Variants in METTL27 observed in about 807,000 individuals in gnomAD.
METTL27 encodes methyltransferase-like protein 27.
Under a neutral mutation model 24.5 loss-of-function variants are expected in METTL27, and 29 were observed. The ratio of observed to expected loss-of-function variants is 1.18; its 90% CI spans 0.88 to 1.61. The LOEUF (loss-of-function observed/expected upper bound fraction) is 1.61. METTL27 is among the 40% of genes most tolerant of loss of function. The pLI is 0.00. For synonymous variants in METTL27, 138 were observed against 146.8 expected, an observed-to-expected ratio of 0.94 and a Z score of 0.43; for missense variants, 341 against 324.3, an observed-to-expected ratio of 1.05 and a Z score of -0.40.
chr7:73,840,069 G>A lies in METTL27; in HGVS notation c.440C>T (p.Pro147Leu), dbSNP rs202060540. The change falls in exon 5 of 6, where the codon CCC becomes CTC. Residue 147 changes from proline to leucine, a missense_variant. Pro to Leu is a moderately conservative substitution (Grantham distance 98). Transcript: ENST00000297873. ...IVGALSDGQVPCNAIPELHVT... is the reference protein window; with the variant it reads ...IVGALSDGQVLCNAIPELHVT... ...ATGTAGCTCAGGTATCGCATTGCAG[G>A]GCACCTGGCCGTCACTGAGGGCACC... 6.2e-7 allele frequency: 1 copy of A among 1,612,212 alleles called. No homozygotes were observed. Among genetic ancestry groups the A allele is most frequent in the East Asian group, 2.2e-5 (1 of 44,782 alleles).
rs557360263 is a variant in METTL27, at chr7:73,839,116, C to T, written c.478+915G>A. Among the ~76,000 whole-genome samples the T allele has an allele frequency of 2.0e-5, 3 of 152,300 alleles. No homozygotes were observed. In the South Asian group the frequency reaches 6.2e-4, roughly 32 times the overall value. On this transcript the variant is annotated intron_variant, in intron 5 of 5. Transcript: ENST00000297873. ...TGGCCAACATGATGAAACCCCATCTCTATTAAAAATACAAAAATTAGCTGG... is the reference window on the plus strand; with the variant it reads ...TGGCCAACATGATGAAACCCCATCTTTATTAAAAATACAAAAATTAGCTGG...
chr7:73,835,862 G>A (rs1327117461), intron 5 of METTL27, among the ~76,000 whole-genome samples: 17 of 138,446 alleles, frequency 1.2e-4, no homozygotes, highest in African/African-American at 4.2e-4. Context: ...CCTCTGCCCC[G>A]CCGCCCCGTC....
Position 73,834,961 on chromosome 7 carries a change from GGTTGGACGA to G in METTL27, c.511_519del (p.Ser171_Asn173del), listed in dbSNP as rs1554634779. The G allele has an allele frequency of 1.9e-6, 3 of 1,613,526 alleles. No individual in the cohort carries two copies. Among genetic ancestry groups the G allele is most frequent in the Non-Finnish European group, 2.5e-6 (3 of 1,179,924 alleles). On this transcript the variant is annotated inframe_deletion, in exon 6 of 6. Transcript: ENST00000297873. ...GCCTCCAGAGCCTCCTTGTATTGAA[GGTTGGACGA>G]GTTGGTCCTGGTGGTCAGACACACC...
chr7:73,838,900 G>C (rs530802773), intron 5 of METTL27, among the ~76,000 whole-genome samples: 1 of 152,118 alleles, frequency 6.6e-6, no homozygotes, highest in Non-Finnish European at 1.5e-5. Flanking sequence ...GCGCCTCCTC[G>C]TTCTCATGCT....
In METTL27 at chr7:73,834,874, G is replaced by T. The variant is rs779071025; in HGVS notation, c.607C>A (p.Arg203Ser). The T allele has an allele frequency of 6.2e-7, 1 of 1,613,234 alleles. No individual in the cohort carries two copies. The change falls in exon 6 of 6, where the codon CGC (arginine) becomes AGC (serine). Residue 203 changes from arginine to serine, a missense_variant. Arg to Ser is a moderately radical substitution (Grantham distance 110). Transcript: ENST00000297873. ...WEGLVAWPVD[R>S]LWTAGSWLPP... is the part of the protein sequence containing the mutation. ...AGCCAGCTCCCAGCGGTCCACAGGC[G>T]GTCCACAGGCCAGGCCACCAGGCCT...
intron 4 of METTL27, 23 bp from the exon 5 acceptor site, chr7:73,840,143 G>A (rs782506733): frequency 2.8e-6 from 4 of 1,413,594 alleles, no homozygotes; most frequent in Non-Finnish European, 3.9e-6. Context: ...GGGGGGGGGT[G>A]GGGACATGGT....
intron 5 of METTL27, among the ~76,000 whole-genome samples, chr7:73,837,610 C>A (rs968236031): frequency 6.6e-6 from 1 of 151,994 alleles, no homozygotes; most frequent in Non-Finnish European, 1.5e-5. Context: ...GTCACCCAGG[C>A]TGGAGTGCAA....
rs548582221 is a variant in METTL27, at chr7:73,838,225, G to C, written c.478+1806C>G. Among the ~76,000 whole-genome samples the C allele has an allele frequency of 3.3e-5, 5 of 152,290 alleles. No individual in the cohort carries two copies. The South Asian group carries it at 1.0e-3, about 32-fold the overall frequency. On this transcript the variant is annotated intron_variant, in intron 5 of 5. Transcript: ENST00000297873. ...CCACTCACCACTCACCCACGCCTCT[G>C]CTGGAGGATGTGACTGTGTCTGAAT...
chr7:73,835,998 G>A (rs1788172603), intron 5 of METTL27, among the ~76,000 whole-genome samples: 1 of 108,494 alleles, frequency 9.2e-6, no homozygotes, highest in Non-Finnish European at 2.1e-5. Context: ...TCTGGGAAGT[G>A]AGGAGCCCCT....
At chr7:73,837,070 G>A (rs1788228691) in intron 5 of METTL27, among the ~76,000 whole-genome samples, 1 of 147,404 alleles carries the variant, frequency 6.8e-6, no homozygotes, top group Non-Finnish European at 1.5e-5. Context: ...TTGTTAAACA[G>A]ATGCTTGAAG....
In METTL27 at chr7:73,840,476, G is replaced by T; in HGVS notation, c.326C>A (p.Pro109His). The T allele has an allele frequency of 1.2e-6, 2 of 1,609,456 alleles. No homozygotes were observed. Among genetic ancestry groups the T allele is most frequent in the East Asian group, 2.2e-5 (1 of 44,668 alleles). The change falls in exon 4 of 6, where the codon CCC (proline) becomes CAC (histidine). Residue 109 changes from proline (P) to histidine (H), a missense_variant. Pro to His is a moderately conservative substitution (Grantham distance 77). Transcript: ENST00000297873. ...GAGGCTGAGGCGCTGATAGAGGCCG[G>T]GGGCCTGGGCCTGTTCCAGCATCCC... ...SPGMLEQAQA[P>H]GLYQRLSLCT...
rs73140869 is a variant in METTL27, at chr7:73,840,134, G to C, written c.389-14C>G. On this transcript the variant is annotated splice_polypyrimidine_tract_variant and intron_variant, in intron 4 of 5. Transcript: ENST00000297873. ...CGTCGAAGGTCCCTGTGTGTGTGTG[G>C]GGGGGGGTGGGGACATGGTGTGATG... is the stretch of plus-strand genomic sequence containing the variant. The C allele has an allele frequency of 4.1e-6, 6 of 1,480,618 alleles. No homozygotes were observed. The highest frequency in any genetic ancestry group is 5.6e-6 in the Non-Finnish European group (6 of 1,080,950). 91.7% of individuals were successfully genotyped at this position (1,480,618 alleles called of 1,614,324 possible).
In METTL27 at chr7:73,840,421, G is replaced by T; in HGVS notation, c.381C>A (p.Ser127Arg). The T allele has an allele frequency of 1.3e-6, 2 of 1,579,438 alleles. No individual in the cohort carries two copies. Among genetic ancestry groups the T allele is most frequent in the Non-Finnish European group, 1.7e-6 (2 of 1,163,120 alleles). Residue 127 changes from serine to arginine, a missense_variant, in exon 4 of 6, where the codon AGC becomes AGA. Physicochemically the swap from Ser to Arg is moderately radical, Grantham distance 110. Coordinates refer to ENST00000297873, the MANE Select transcript of METTL27 (RefSeq NM_152559.3). ...LCTLGQEPLP[S>R]PEGTFDAVLI... is the part of the protein sequence containing the mutation. ...AGGTGGGAGAGAAAGTACCTTCCGG[G>T]CTGGGCAGAGGCTCCTGGCCCAGGG...
At chr7:73,840,248 C>A in intron 4 of METTL27, 128 bp from the exon 5 acceptor site, 1 of 1,454,168 alleles carries the variant, frequency 6.9e-7, no homozygotes, top group South Asian at 1.4e-5. Context: ...CCCAGGTCCC[C>A]TAGAGGATAA....
intron 5 of METTL27, among the ~76,000 whole-genome samples, chr7:73,835,333 C>A (rs1788137627): frequency 7.0e-6 from 1 of 143,678 alleles, no homozygotes; most frequent in South Asian, 2.2e-4. Flanking sequence ...GCCTGACTCT[C>A]CTGACTCAGC....
At chr7:73,839,910 C>T (rs1253808965) in intron 5 of METTL27, 121 bp downstream of exon 5, 16 of 881,800 alleles carry the variant, frequency 1.8e-5, no homozygotes, top group South Asian at 6.3e-5. Flanking sequence ...CTGTGTGTGA[C>T]GCTGGGCAGG....
At chr7:73,836,008 T>G (rs1788173442) in intron 5 of METTL27, among the ~76,000 whole-genome samples, 1 of 104,112 alleles carries the variant, frequency 9.6e-6, no homozygotes, top group African/African-American at 3.8e-5. Context: ...GAGGAGCCCC[T>G]CCGCCCGGCA....
Position 73,842,499 on chromosome 7 carries a change from A to G in METTL27, c.-14T>C, listed in dbSNP as rs147584462. The G allele has an allele frequency of 5.9e-4, 147 of 247,970 alleles. 1 individual carries two copies. Among genetic ancestry groups the G allele is most frequent in the Non-Finnish European group, 9.5e-4 (125 of 131,240 alleles). 15.4% of individuals were successfully genotyped at this position (247,970 alleles called of 1,614,324 possible). ...CGGAGTCAGAACTCACCGCCAATCC[A>G]GCGCGCCTCGGGCGTGTGGGCAACA... is the stretch of plus-strand genomic sequence containing the variant. On this transcript the variant is annotated 5_prime_UTR_variant, in exon 1 of 6. Coordinates refer to ENST00000297873, the MANE Select transcript of METTL27 (RefSeq NM_152559.3).
Position 73,834,949 on chromosome 7 carries a change from C to T in METTL27, c.532G>A (p.Glu178Lys). ...RTNSSNLQYK[E>K]ALEATLDRLE... ...CTGTCCAGGGTGGCCTCCAGAGCCT[C>T]CTTGTATTGAAGGTTGGACGAGTTG... The change falls in exon 6 of 6, where the codon GAG becomes AAG. Residue 178 changes from glutamate to lysine, a missense_variant. Coordinates refer to ENST00000297873, the MANE Select transcript of METTL27 (RefSeq NM_152559.3). 5 of 1,613,894 alleles carry T rather than the reference C, an allele frequency of 3.1e-6. No homozygotes were observed. Among genetic ancestry groups the T allele is most frequent in the Non-Finnish European group, 4.2e-6 (5 of 1,179,980 alleles).
Sources: allele counts gnomAD v4.1 joint callset (sites outside exome capture counted in the v4.1 genomes callset), GRCh38; gene constraint gnomAD v4.1.1; transcripts MANE v1.5; gene names NCBI Gene and HGNC (gene_info 2026-07-23, HGNC 2026-07-21).